ATP2A2: variants seen among roughly 807,000 people sequenced by gnomAD.
The protein encoded by ATP2A2 is sarcoplasmic/endoplasmic reticulum calcium ATPase 2.
ATP2A2 carries 14 observed loss-of-function variants against 109.3 expected under a neutral mutation model. That is an observed-to-expected ratio of 0.13 (90% CI 0.08 to 0.20). ATP2A2 has a LOEUF of 0.20. Ranked by LOEUF, ATP2A2 falls within the 10% of genes least tolerant of loss-of-function variation. ATP2A2 has a pLI of 1.00. For synonymous variants in ATP2A2, 506 were observed against 490.9 expected, an observed-to-expected ratio of 1.03 and a Z score of -0.41; for missense variants, 657 against 1,321.6, an observed-to-expected ratio of 0.50 and a Z score of 7.80.
At position 110,347,770 on chromosome 12, in the gene ATP2A2, CTT is replaced by C; in HGVS notation, c.*1301_*1302del. On this transcript the variant is annotated 3_prime_UTR_variant, in exon 20 of 20. Coordinates refer to ENST00000539276, the MANE Select transcript of ATP2A2 (RefSeq NM_170665.4). ...TAACTGTGGTGTTTTCCTCCAATGC[CTT>C]CCAACATCCATCAACTAACGTGAGT... 9.4e-7 allele frequency: 1 copy of C among 1,063,070 alleles called. No homozygotes were observed. Among genetic ancestry groups the C allele is most frequent in the Non-Finnish European group, 1.1e-6 (1 of 875,364 alleles). 65.9% of individuals were successfully genotyped at this position (1,063,070 alleles called of 1,614,324 possible).
rs565605369 is a variant in ATP2A2 at position 110,281,276 on chromosome 12, G to C, written c.-514G>C. 3.0e-4 allele frequency: 46 copies of C among 151,624 alleles called. No homozygotes were observed. Among genetic ancestry groups the C allele is most frequent in the African/African-American group, 1.1e-3 (44 of 41,470 alleles). The allele number at this position is 151,624 out of a possible 1,614,324, so 9.4% of individuals were successfully genotyped here. A position where few individuals can be genotyped will look rare whatever the true frequency, so the allele number is the denominator to read the frequency against. ...GAGCAGCCGCCGCGGAGCCGTCCCC[G>C]ACGCCACCTCCTTTTCCTTCGCCGC... On this transcript the variant is annotated 5_prime_UTR_variant, in exon 1 of 20. Transcript: ENST00000539276.
chr12:110,317,151 T>C (rs1174515291), intron 5 of ATP2A2, among the ~76,000 whole-genome samples: 1 of 152,134 alleles, frequency 6.6e-6, no homozygotes, highest in Non-Finnish European at 1.5e-5. Flanking sequence ...TGACTCAAAT[T>C]GGAAACACGG....
intron 14 of ATP2A2, 70 bp downstream of exon 14, chr12:110,341,064 C>G: frequency 6.4e-7 from 1 of 1,551,768 alleles, no homozygotes; most frequent in Non-Finnish European, 8.8e-7. Context: ...ATTTTGACCA[C>G]TGAATTTTTT....
chr12:110,313,485 T>C (rs556161924), intron 5 of ATP2A2, among the ~76,000 whole-genome samples: 1 of 151,716 alleles, frequency 6.6e-6, no homozygotes, highest in East Asian at 1.9e-4. Context: ...GCTAATTTTT[T>C]GTATATTTTA....
chr12:110,312,073 G>A (rs187382146), intron 5 of ATP2A2, among the ~76,000 whole-genome samples: 178 of 152,228 alleles, frequency 1.2e-3, no homozygotes, highest in Non-Finnish European at 2.2e-3. Context: ...CTGCTTCTCG[G>A]GAGGCTGAGG....
chr12:110,350,131 CAG>C lies in ATP2A2; in HGVS notation c.*3662_*3663del. ...ATGCTACCCTGTGTGGGCGGCACCT[CAG>C]GGACAGTAAATCAGAAATGCTGGTC... On this transcript the variant is annotated 3_prime_UTR_variant, in exon 20 of 20. Coordinates refer to ENST00000539276, the MANE Select transcript of ATP2A2 (RefSeq NM_170665.4). 4 of 1,526,150 alleles carry C rather than the reference CAG, an allele frequency of 2.6e-6. No individual in the cohort carries two copies. The highest frequency in any genetic ancestry group is 3.5e-6 in the Non-Finnish European group (4 of 1,138,202). 94.5% of individuals were successfully genotyped at this position (1,526,150 alleles called of 1,614,324 possible).
At chr12:110,282,823 C>A in intron 3 of ATP2A2, 28 bp downstream of exon 3, 1 of 1,563,872 alleles carries the variant, frequency 6.4e-7, no homozygotes, top group Non-Finnish European at 8.8e-7. Flanking sequence ...TATTTTCTTT[C>A]CCCCCAAAAG....
Position 110,346,755 on chromosome 12 carries a change from A to T in ATP2A2, c.*285A>T, listed in dbSNP as rs145408134. 3.3e-6 allele frequency: 4 copies of T among 1,213,014 alleles called. No individual in the cohort carries two copies. Among genetic ancestry groups the T allele is most frequent in the Non-Finnish European group, 4.1e-6 (4 of 969,976 alleles). 75.1% of individuals were successfully genotyped at this position (1,213,014 alleles called of 1,614,324 possible). A position where few individuals can be genotyped will look rare whatever the true frequency, so the allele number is the denominator to read the frequency against. On this transcript the variant is annotated 3_prime_UTR_variant, in exon 20 of 20. Coordinates refer to ENST00000539276, the MANE Select transcript of ATP2A2 (RefSeq NM_170665.4). ...ATGTACAGTGTTCTGTTTAATACTC[A>T]TCCTTGTATAAAAAAAATAGTTGAG...
rs954807960 is a variant in ATP2A2 at position 110,348,743 on chromosome 12, G to A, written c.*2273G>A. ...TACTGTGAAGCCTCCAAGGCTGCTCGCAGGCAGCTGTGGCTCTCGGGAAGG... is the reference window on the plus strand; with the variant it reads ...TACTGTGAAGCCTCCAAGGCTGCTCACAGGCAGCTGTGGCTCTCGGGAAGG... On this transcript the variant is annotated 3_prime_UTR_variant, in exon 20 of 20. Transcript: ENST00000539276. 8.5e-5 allele frequency: 84 copies of A among 985,326 alleles called. No individual in the cohort carries two copies. The highest frequency in any genetic ancestry group is 9.8e-5 in the Non-Finnish European group (81 of 829,990). The allele number at this position is 985,326 out of a possible 1,614,324, so 61.0% of individuals were successfully genotyped here. A position where few individuals can be genotyped will look rare whatever the true frequency, so the allele number is the denominator to read the frequency against.
In ATP2A2 at chr12:110,340,297, G is replaced by C. The variant is rs1879225676; in HGVS notation, c.1762-362G>C. On this transcript the variant is annotated intron_variant, in intron 13 of 19. Transcript: ENST00000539276. This position sits in a 1 kb window ranked among gnomAD's most constrained non-coding sequence, Gnocchi z 6.0. ...CAAATGCCTGTAATCTCAGCACTTTGGGAGGCCGAGGCTGGCAGATCACCT... is the reference window on the plus strand; with the variant it reads ...CAAATGCCTGTAATCTCAGCACTTTCGGAGGCCGAGGCTGGCAGATCACCT... 6.6e-6 allele frequency among the ~76,000 whole-genome samples: 1 copy of C among 152,038 alleles called. No homozygotes were observed. The highest frequency in any genetic ancestry group is 1.5e-5 in the Non-Finnish European group (1 of 68,012).
intron 5 of ATP2A2, among the ~76,000 whole-genome samples, chr12:110,310,766 A>G (rs907546618): frequency 5.9e-5 from 9 of 152,254 alleles, no homozygotes; most frequent in Non-Finnish European, 1.3e-4. Flanking sequence ...TTACTCGGGA[A>G]TAAAAAGAAT....
At chr12:110,304,727 C>A (rs1192646285) in intron 5 of ATP2A2, among the ~76,000 whole-genome samples, 2 of 152,104 alleles carry the variant, frequency 1.3e-5, no homozygotes, top group Non-Finnish European at 2.9e-5. Flanking sequence ...TTCTTGATGG[C>A]ATACTTTGTA....
intron 4 of ATP2A2, among the ~76,000 whole-genome samples, chr12:110,293,384 T>G (rs1425909887): frequency 3.2e-5 from 4 of 126,364 alleles, no homozygotes; most frequent in African/African-American, 1.3e-4. Context: ...TTTTTTTTTT[T>G]TTTTGTTTGT....
chr12:110,333,181 G>A lies in ATP2A2; in HGVS notation c.1185G>A (p.Val395=), dbSNP rs1174303886. The A allele has an allele frequency of 1.2e-5, 20 of 1,612,562 alleles. No individual in the cohort carries two copies. Among genetic ancestry groups the A allele is most frequent in the Non-Finnish European group, 1.7e-5 (20 of 1,178,864 alleles). ...TGSTYAPIGE[V]HKDDKPVNCH... is the part of the protein sequence containing the mutation. ...CTAAGAGTGTTTTCTCTTTGGGCAG[G>A]CATAAAGATGATAAACCAGTGAATT... The change falls in exon 10 of 20, where the codon GTG becomes GTA. Residue 395 remains valine, a splice_region_variant and synonymous_variant. Coordinates refer to ENST00000539276, the MANE Select transcript of ATP2A2 (RefSeq NM_170665.4).
chr12:110,322,774 A>T (rs1877375744), intron 5 of ATP2A2, among the ~76,000 whole-genome samples: 1 of 152,228 alleles, frequency 6.6e-6, no homozygotes, highest in Non-Finnish European at 1.5e-5. Context: ...CTTAAGCCTC[A>T]TTCTCTTCCT....
rs752945126 is a variant in ATP2A2 at position 110,348,960 on chromosome 12, C to A, written c.*2490C>A. Reference sequence around the variant, plus strand: ...AAACTCAGCTTTTCCTGACTCAGTTCCTTGACTTAGTGGCCTTTACAAAAA... The same window carrying A: ...AAACTCAGCTTTTCCTGACTCAGTTACTTGACTTAGTGGCCTTTACAAAAA... On this transcript the variant is annotated 3_prime_UTR_variant, in exon 20 of 20. Transcript: ENST00000539276. The A allele has an allele frequency of 5.8e-5, 57 of 985,312 alleles. No individual in the cohort carries two copies. The highest frequency in any genetic ancestry group is 6.7e-5 in the Non-Finnish European group (56 of 829,948). 61.0% of individuals were successfully genotyped at this position (985,312 alleles called of 1,614,324 possible).
At chr12:110,294,475 C>T (rs1873745538) in intron 4 of ATP2A2, among the ~76,000 whole-genome samples, 1 of 152,080 alleles carries the variant, frequency 6.6e-6, no homozygotes. Flanking sequence ...GCCTGGCCAA[C>T]ATGGCAAGTC....
At chr12:110,299,981 C>T (rs1340727275) in intron 5 of ATP2A2, among the ~76,000 whole-genome samples, 2 of 151,672 alleles carry the variant, frequency 1.3e-5, no homozygotes, top group Non-Finnish European at 2.9e-5. Flanking sequence ...ATCTCGAACT[C>T]CCGACCTCAG....
At chr12:110,343,076 T>C (rs935725080) in intron 15 of ATP2A2, among the ~76,000 whole-genome samples, 156 bp from the exon 16 acceptor site, 5 of 152,204 alleles carry the variant, frequency 3.3e-5, no homozygotes, top group Non-Finnish European at 5.9e-5. Flanking sequence ...CTAAGTAAAA[T>C]TGAGCTTTAA....
Sources: gnomAD v4.1 joint callset for allele counts (sites outside exome capture counted in the v4.1 genomes callset) on GRCh38, gnomAD v4.1.1 for gene constraint, Gnocchi (gnomAD v3.1) non-coding constraint, MANE v1.5 for transcripts, NCBI Gene and HGNC (gene_info 2026-07-23, HGNC 2026-07-21) for gene names.